ZYG11B: variants seen among roughly 807,000 people sequenced by gnomAD.
ZYG11B encodes the protein protein zyg-11 homolog B.
A neutral mutation model predicts 82.4 loss-of-function variants in ZYG11B; 36 were observed. The observed-to-expected ratio is 0.44, with a 90% CI of 0.33 to 0.58. ZYG11B has a LOEUF of 0.58. Ranked by LOEUF, ZYG11B falls within the 20% of genes least tolerant of loss-of-function variation. The pLI, the probability that ZYG11B is intolerant of heterozygous loss-of-function variation, is 0.02. For missense variants in ZYG11B, 552 were observed against 895.6 expected, an observed-to-expected ratio of 0.62 and a Z score of 4.90; for synonymous variants, 303 against 312.8, an observed-to-expected ratio of 0.97 and a Z score of 0.33.
Position 52,803,087 on chromosome 1 carries a change from C to CATATATATATATATATATAT in ZYG11B, c.1695+959_1695+960insTATATATATATATATATATA, listed in dbSNP as rs1232248742. Among the ~76,000 whole-genome samples, 35 of 22,540 alleles carry CATATATATATATATATATAT rather than the reference C, an allele frequency of 1.6e-3. 3 individuals are homozygous for CATATATATATATATATATAT. Among genetic ancestry groups the CATATATATATATATATATAT allele is most frequent in the Admixed American group, 0.014 (20 of 1,380 alleles). 14.8% of individuals were successfully genotyped at this position (22,540 alleles called of 152,430 possible). ...TTGCCACTATATATATATATATACACATATATATATACATATATATATATA... is the reference window on the plus strand; with the variant it reads ...TTGCCACTATATATATATATATACACATATATATATATATATATATATATATATATACATATATATATATA... On this transcript the variant is annotated intron_variant, in intron 10 of 13. Transcript: ENST00000294353.
chr1:52,799,516 T>C (rs1306553462), intron 8 of ZYG11B, among the ~76,000 whole-genome samples: 2 of 145,466 alleles, frequency 1.4e-5, no homozygotes, highest in African/African-American at 5.1e-5. Context: ...AAGAAAAAAA[T>C]AGCTGGGCAC....
chr1:52,803,117 TACACACATATATATATACACAC>T (rs1558140097), intron 10 of ZYG11B, among the ~76,000 whole-genome samples: 20 of 25,214 alleles, frequency 7.9e-4, no homozygotes, highest in Admixed American at 1.2e-3. Context: ...TATATATATA[TACACACATATATATATACACAC>T]ATATATATAT....
chr1:52,817,777 G>GTACATATA (rs1645239972), intron 13 of ZYG11B, among the ~76,000 whole-genome samples: 1 of 41,542 alleles, frequency 2.4e-5, no homozygotes, highest in Non-Finnish European at 3.9e-5. Flanking sequence ...ATATATATGT[G>GTACATATA]TATATATATA....
At chr1:52,767,353 GGA>G (rs1644706627) in intron 2 of ZYG11B, among the ~76,000 whole-genome samples, 1 of 150,524 alleles carries the variant, frequency 6.6e-6, no homozygotes, top group Non-Finnish European at 1.5e-5. Context: ...TGCCCAAGCC[GGA>G]GTGCAATGGT....
chr1:52,770,995 TAAAACGCTGCTTG>T lies in ZYG11B; in HGVS notation c.197-24_197-12del. The T allele has an allele frequency of 6.3e-7, 1 of 1,578,398 alleles. No homozygotes were observed. Among genetic ancestry groups the T allele is most frequent in the Admixed American group, 1.8e-5 (1 of 54,582 alleles). On this transcript the variant is annotated splice_polypyrimidine_tract_variant and intron_variant, in intron 2 of 13. Transcript: ENST00000294353. ...CTATTCTTTAACTGTTTTTTGAATT[TAAAACGCTGCTTG>T]TTTTTCCACAGGTCTATTGAATGAT...
At chr1:52,797,901 G>A (rs1490827169) in intron 8 of ZYG11B, among the ~76,000 whole-genome samples, 1 of 151,806 alleles carries the variant, frequency 6.6e-6, no homozygotes, top group Admixed American at 6.6e-5. Flanking sequence ...AGGCAGGAGG[G>A]GATCACTTGA....
At chr1:52,731,274 C>CA (rs1173537902) in intron 1 of ZYG11B, among the ~76,000 whole-genome samples, 4 of 91,336 alleles carry the variant, frequency 4.4e-5, no homozygotes, top group South Asian at 3.8e-4. Flanking sequence ...GGCTCCATCT[C>CA]AAAAAAAAAG....
chr1:52,785,179 T>A, intron 5 of ZYG11B, 126 bp downstream of exon 5: 1 of 1,043,178 alleles, frequency 9.6e-7, no homozygotes, highest in Non-Finnish European at 1.4e-6. Context: ...TGACTGAGTG[T>A]AAGAAAACAG....
At chr1:52,746,184 C>T (rs1487682728) in intron 1 of ZYG11B, among the ~76,000 whole-genome samples, 1 of 151,452 alleles carries the variant, frequency 6.6e-6, no homozygotes, top group Non-Finnish European at 1.5e-5. Flanking sequence ...ATGGTCTCGA[C>T]CTCGTGATCC....
chr1:52,749,621 G>T (rs1361284339), intron 1 of ZYG11B, among the ~76,000 whole-genome samples: 1 of 151,690 alleles, frequency 6.6e-6, no homozygotes, highest in Non-Finnish European at 1.5e-5. Flanking sequence ...TTATTTTTTT[G>T]AGATGGAGTT....
intron 1 of ZYG11B, among the ~76,000 whole-genome samples, chr1:52,756,052 G>C (rs1032403294): frequency 1.3e-5 from 2 of 152,066 alleles, no homozygotes; most frequent in African/African-American, 4.8e-5. Context: ...CTCCCACCTC[G>C]GCCCTACCCT....
rs779084255 is a variant in ZYG11B at position 52,813,673 on chromosome 1, C to A, written c.1833C>A (p.Ser611=). Residue 611 remains serine, a synonymous_variant, in exon 11 of 14, where the codon TCC becomes TCA. Transcript: ENST00000294353. ...FAAGIIAHLI[S]RGEQAWTLSR... is the part of the protein sequence containing the mutation. ...CTGGAATTATTGCCCATTTAATATC[C>A]AGAGGTGAACAAGCTTGGACATTGA... is the stretch of plus-strand genomic sequence containing the variant. The A allele has an allele frequency of 1.9e-6, 3 of 1,614,016 alleles. No individual in the cohort carries two copies. Among genetic ancestry groups the A allele is most frequent in the Non-Finnish European group, 2.5e-6 (3 of 1,180,004 alleles).
chr1:52,810,739 A>G (rs1237150002), intron 10 of ZYG11B, among the ~76,000 whole-genome samples: 1 of 152,148 alleles, frequency 6.6e-6, no homozygotes, highest in Non-Finnish European at 1.5e-5. Flanking sequence ...TCCTCAATTT[A>G]AAAACAAGAA....
intron 1 of ZYG11B, among the ~76,000 whole-genome samples, chr1:52,751,164 G>A (rs928231605): frequency 6.6e-6 from 1 of 151,940 alleles, no homozygotes; most frequent in Non-Finnish European, 1.5e-5. Flanking sequence ...GTTTTTTGTA[G>A]AGATGGGGTT....
rs1413927938 is a variant in ZYG11B, at chr1:52,821,944, A to G, written c.*315A>G. 9.2e-6 allele frequency: 2 copies of G among 218,086 alleles called. No homozygotes were observed. Among genetic ancestry groups the G allele is most frequent in the Admixed American group, 5.6e-5 (1 of 17,804 alleles). 13.5% of individuals were successfully genotyped at this position (218,086 alleles called of 1,614,324 possible). A position where few individuals can be genotyped will look rare whatever the true frequency, so the allele number is the denominator to read the frequency against. On this transcript the variant is annotated 3_prime_UTR_variant, in exon 14 of 14. Transcript: ENST00000294353. ...AAGTTTGCACGAACCCTTAGGCCAG[A>G]CTTTTCTGATCTCAGAGTCCCTTCC... is the stretch of plus-strand genomic sequence containing the variant.
intron 2 of ZYG11B, among the ~76,000 whole-genome samples, chr1:52,762,760 T>G (rs1038219885): frequency 1.3e-5 from 2 of 151,786 alleles, no homozygotes; most frequent in African/African-American, 4.8e-5. Context: ...TTTTGTATTT[T>G]TAGTAGAGAC....
At position 52,822,284 on chromosome 1, in the gene ZYG11B, C is replaced by T. The variant is rs943857789; in HGVS notation, c.*655C>T. 1.3e-5 allele frequency: 2 copies of T among 152,218 alleles called. No homozygotes were observed. Among genetic ancestry groups the T allele is most frequent in the South Asian group, 2.1e-4 (1 of 4,832 alleles). 9.4% of individuals were successfully genotyped at this position (152,218 alleles called of 1,614,324 possible). Reference sequence around the variant, plus strand: ...GGCTACCCTTCGGGAGTCCACCTCTCTTGAGGCGGTGAGCAGAAGCTTGTC... The same window carrying T: ...GGCTACCCTTCGGGAGTCCACCTCTTTTGAGGCGGTGAGCAGAAGCTTGTC... On this transcript the variant is annotated 3_prime_UTR_variant, in exon 14 of 14. Coordinates refer to ENST00000294353, the MANE Select transcript of ZYG11B (RefSeq NM_024646.3).
intron 1 of ZYG11B, among the ~76,000 whole-genome samples, chr1:52,753,737 C>T (rs1042278464): frequency 6.6e-6 from 1 of 151,930 alleles, no homozygotes; most frequent in Non-Finnish European, 1.5e-5. Flanking sequence ...GCTGGGATTA[C>T]AGGCATGCAC....
At chr1:52,817,785 A>ATATG (rs1645241000) in intron 13 of ZYG11B, among the ~76,000 whole-genome samples, 1 of 25,470 alleles carries the variant, frequency 3.9e-5, no homozygotes, top group Non-Finnish European at 7.9e-5. Flanking sequence ...GTGTATATAT[A>ATATG]TATATATATA....
Sources: gnomAD v4.1 joint callset for allele counts (sites outside exome capture counted in the v4.1 genomes callset) on GRCh38, gnomAD v4.1.1 for gene constraint, MANE v1.5 for transcripts, NCBI Gene and HGNC (gene_info 2026-07-23, HGNC 2026-07-21) for gene names.